Variants in TRAPPC9 observed in about 807,000 individuals in gnomAD.
TRAPPC9 encodes IKK2 binding protein.
Under a neutral mutation model 124.0 loss-of-function variants are expected in TRAPPC9, and 83 were observed. That is an observed-to-expected ratio of 0.67 (90% CI 0.56 to 0.80). The LOEUF is 0.80. Among genes scored for constraint, TRAPPC9 ranks in the 30% least tolerant of loss-of-function variants. The probability of loss-of-function intolerance (pLI) is 0.00; values close to 1 mark genes in which losing one functional copy is unlikely to be tolerated. For missense variants in TRAPPC9, 1,302 were observed against 1,508.3 expected (o/e 0.86, Z 2.27); for synonymous variants, 638 against 617.5 (o/e 1.03, Z -0.49).
At chr8:139,789,178 G>A (rs191238091) in intron 21 of TRAPPC9, among the ~76,000 whole-genome samples, 2 of 146,892 alleles carry the variant, frequency 1.4e-5, no homozygotes, top group South Asian at 2.1e-4. Flanking sequence ...TGCAGCCCAC[G>A]GCCTGCCCGG....
chr8:140,265,344 T>A (rs928667825), intron 15 of TRAPPC9, among the ~76,000 whole-genome samples: 1 of 152,192 alleles, frequency 6.6e-6, no homozygotes, highest in Non-Finnish European at 1.5e-5. Flanking sequence ...CGTATTCAAA[T>A]AACAAGCAAA....
At chr8:140,157,454 C>T (rs545716940) in intron 17 of TRAPPC9, among the ~76,000 whole-genome samples, 212 of 152,300 alleles carry the variant, frequency 1.4e-3, no homozygotes, top group African/African-American at 4.9e-3. Context: ...AGGGAGGAAC[C>T]AATCCACCCT....
intron 7 of TRAPPC9, among the ~76,000 whole-genome samples, chr8:140,381,751 A>C (rs1379199349): frequency 6.6e-6 from 1 of 152,124 alleles, no homozygotes; most frequent in African/African-American, 2.4e-5. Flanking sequence ...CAAAACCAAA[A>C]TGAGACATCA....
At chr8:140,116,670 G>T (rs1389606307) in intron 17 of TRAPPC9, among the ~76,000 whole-genome samples, 1 of 152,186 alleles carries the variant, frequency 6.6e-6, no homozygotes, top group Non-Finnish European at 1.5e-5. Flanking sequence ...GCTTGCTGTG[G>T]TTTTGAGAAG....
intron 19 of TRAPPC9, among the ~76,000 whole-genome samples, chr8:139,956,980 C>T (rs1273000314): frequency 6.6e-6 from 1 of 152,250 alleles, no homozygotes; most frequent in East Asian, 1.9e-4. Context: ...GTGCTTGCTG[C>T]CTTCGAGCGG....
chr8:140,363,333 CA>C (rs1360616467), intron 8 of TRAPPC9, among the ~76,000 whole-genome samples: 1 of 152,170 alleles, frequency 6.6e-6, no homozygotes, highest in Non-Finnish European at 1.5e-5. Flanking sequence ...ATGTTCATTT[CA>C]AGAAAAAGAA....
chr8:139,763,134 C>T (rs755512596), intron 21 of TRAPPC9, among the ~76,000 whole-genome samples: 5 of 152,166 alleles, frequency 3.3e-5, no homozygotes, highest in Non-Finnish European at 7.3e-5. Flanking sequence ...CTAGATACAG[C>T]AATAGGCATT....
At chr8:140,437,619 G>A (rs968214789) in intron 3 of TRAPPC9, among the ~76,000 whole-genome samples, 11 of 152,160 alleles carry the variant, frequency 7.2e-5, no homozygotes, top group African/African-American at 2.4e-4. Flanking sequence ...GCGAGACTCC[G>A]TCCCCAAGAA....
intron 6 of TRAPPC9, among the ~76,000 whole-genome samples, chr8:140,399,306 C>T (rs976262253): frequency 3.9e-5 from 6 of 152,210 alleles, no homozygotes; most frequent in Non-Finnish European, 5.9e-5. Flanking sequence ...AGAAAGCCAC[C>T]ATCCTGCAGA....
At chr8:140,035,037 C>T (rs964718006) in intron 17 of TRAPPC9, among the ~76,000 whole-genome samples, 6 of 152,224 alleles carry the variant, frequency 3.9e-5, no homozygotes, top group Admixed American at 3.3e-4. Flanking sequence ...ACGGTTTTTC[C>T]CCTTCTGTAT....
chr8:140,055,127 G>GA (rs1490532569), intron 17 of TRAPPC9, among the ~76,000 whole-genome samples: 2 of 152,062 alleles, frequency 1.3e-5, no homozygotes, highest in African/African-American at 2.4e-5. Flanking sequence ...TAACATGGAC[G>GA]CAAAAATCAC....
At chr8:140,309,900 G>A (rs897643646) in intron 10 of TRAPPC9, among the ~76,000 whole-genome samples, 2 of 152,174 alleles carry the variant, frequency 1.3e-5, no homozygotes, top group Non-Finnish European at 2.9e-5. Flanking sequence ...CCACAGCCAC[G>A]CCTTTTGGAT....
At chr8:140,327,834 C>T (rs755028262) in intron 9 of TRAPPC9, among the ~76,000 whole-genome samples, 20 of 152,254 alleles carry the variant, frequency 1.3e-4, no homozygotes, top group Non-Finnish European at 2.1e-4. Flanking sequence ...AAATGGAGGG[C>T]GGTGATGGTT....
chr8:139,909,865 T>C (rs1831600811), intron 20 of TRAPPC9, among the ~76,000 whole-genome samples: 1 of 152,184 alleles, frequency 6.6e-6, no homozygotes, highest in Non-Finnish European at 1.5e-5. Context: ...GTCACTAACA[T>C]GAATATCAAC....
Position 139,910,103 on chromosome 8 carries a change from G to A in TRAPPC9, c.2964+44C>T, listed in dbSNP as rs147628905. ...GTCTTTCTTAGAGGTTGGAACCCTG[G>A]GCAAAGGTGCCCCCAGGCCCAGGTG... On this transcript the variant is annotated intron_variant, in intron 20 of 22. Transcript: ENST00000438773. 34 of 1,612,604 alleles carry A rather than the reference G, an allele frequency of 2.1e-5. No homozygotes were observed. In the African/African-American group the frequency reaches 3.9e-4, roughly 18 times the overall value.
intron 16 of TRAPPC9, among the ~76,000 whole-genome samples, chr8:140,230,890 C>A (rs943372822): frequency 6.6e-6 from 1 of 152,146 alleles, no homozygotes; most frequent in Non-Finnish European, 1.5e-5. Flanking sequence ...CCCTCTTCTG[C>A]GGAAATCATC....
At chr8:140,045,335 C>T (rs1398737632) in intron 17 of TRAPPC9, among the ~76,000 whole-genome samples, 1 of 152,142 alleles carries the variant, frequency 6.6e-6, no homozygotes, top group Non-Finnish European at 1.5e-5. Flanking sequence ...GTTTAACAAA[C>T]CCAAGTCCGG....
chr8:139,889,456 A>T (rs1044221856), intron 20 of TRAPPC9, among the ~76,000 whole-genome samples: 1 of 152,190 alleles, frequency 6.6e-6, no homozygotes, highest in Non-Finnish European at 1.5e-5. Context: ...TTATGAGAAC[A>T]AACGTTTCCA....
chr8:140,023,653 T>C (rs1251805090), intron 18 of TRAPPC9, among the ~76,000 whole-genome samples: 1 of 152,176 alleles, frequency 6.6e-6, no homozygotes, highest in South Asian at 2.1e-4. Flanking sequence ...GGGAAATGTG[T>C]GTGCACAGTG....
Sources: allele counts gnomAD v4.1 joint callset (sites outside exome capture counted in the v4.1 genomes callset), GRCh38; gene constraint gnomAD v4.1.1; transcripts MANE v1.5; gene names NCBI Gene and HGNC (gene_info 2026-07-23, HGNC 2026-07-21).